Variants in LIMCH1 observed in about 807,000 individuals in gnomAD.
LIMCH1 encodes the protein LIM and calponin homology domains 1.
LIMCH1 carries 113 observed loss-of-function variants against 176.5 expected under a neutral mutation model. That is an observed-to-expected ratio of 0.64 (90% CI 0.55 to 0.75). The LOEUF is 0.75. LIMCH1 is among the 30% of genes least tolerant of loss of function. The probability of loss-of-function intolerance (pLI) is 0.00; values close to 1 mark genes in which losing one functional copy is unlikely to be tolerated. For missense variants in LIMCH1, 1,674 were observed against 1,814.9 expected (o/e 0.92, Z 1.41); for synonymous variants, 619 against 645.9 (o/e 0.96, Z 0.63).
chr4:41,631,835 CCT>C (rs1381125006), intron 10 of LIMCH1, among the ~76,000 whole-genome samples: 1 of 152,162 alleles, frequency 6.6e-6, no homozygotes, highest in African/African-American at 2.4e-5. Flanking sequence ...TTATGTATAA[CCT>C]CTCTCTTTCC....
Position 41,430,421 on chromosome 4 carries a change from G to A in LIMCH1, c.97-64115G>A, listed in dbSNP as rs1402841738. ...TGGGACTACAGGCACGTGCCACTACGCCCGGCTAATTTTCGTATTTTTAGT... is the reference window on the plus strand; with the variant it reads ...TGGGACTACAGGCACGTGCCACTACACCCGGCTAATTTTCGTATTTTTAGT... On this transcript the variant is annotated intron_variant, in intron 1 of 26. Transcript: ENST00000313860. Among the ~76,000 whole-genome samples, 11 of 152,118 alleles carry A rather than the reference G, an allele frequency of 7.2e-5. No individual in the cohort carries two copies. The East Asian group carries it at 9.7e-4, about 13-fold the overall frequency.
intron 2 of LIMCH1, among the ~76,000 whole-genome samples, chr4:41,603,121 T>A (rs747082663): frequency 4.6e-5 from 7 of 152,206 alleles, no homozygotes; most frequent in Non-Finnish European, 1.0e-4. Context: ...TATATGATAG[T>A]CTTACACTCC....
upstream of LIMCH1, among the ~76,000 whole-genome samples, chr4:41,537,539 G>T (rs2078087089): frequency 6.6e-6 from 1 of 152,166 alleles, no homozygotes. Flanking sequence ...CAGGCACAAA[G>T]ATTGAATGCC....
chr4:41,613,393 C>T (rs963240936), intron 4 of LIMCH1, 73 bp from the exon 5 acceptor site: 1 of 1,302,976 alleles, frequency 7.7e-7, no homozygotes, highest in Non-Finnish European at 1.1e-6. Flanking sequence ...TTTTGGAGAC[C>T]ACTGGAGACC....
intron 5 of LIMCH1, among the ~76,000 whole-genome samples, chr4:41,618,164 A>G (rs1159638022): frequency 1.3e-5 from 2 of 152,194 alleles, no homozygotes; most frequent in African/African-American, 4.8e-5. Flanking sequence ...ATTTGTTACC[A>G]CCATAGTTGA....
chr4:41,633,915 G>A (rs1175626863), intron 13 of LIMCH1, 107 bp downstream of exon 13: 1 of 1,246,696 alleles, frequency 8.0e-7, no homozygotes, highest in Non-Finnish European at 1.1e-6. Context: ...GCTGTTGCTA[G>A]CAGAAACAGA....
intron 1 of LIMCH1, among the ~76,000 whole-genome samples, chr4:41,428,688 G>A (rs1354875790): frequency 6.6e-6 from 1 of 152,220 alleles, no homozygotes; most frequent in African/African-American, 2.4e-5. Context: ...GAAATGCACA[G>A]ACTGGTTTCC....
intron 1 of LIMCH1, among the ~76,000 whole-genome samples, chr4:41,558,705 A>G (rs532101548): frequency 2.0e-5 from 3 of 152,270 alleles, no homozygotes; most frequent in African/African-American, 4.8e-5. Context: ...TATTGTATTT[A>G]TGAAAGATGC....
chr4:41,524,925 A>G (rs2076474157), intron 3 of LIMCH1, among the ~76,000 whole-genome samples: 1 of 152,226 alleles, frequency 6.6e-6, no homozygotes, highest in African/African-American at 2.4e-5. Flanking sequence ...GGGTTGAAAT[A>G]CCACAATTGT....
chr4:41,549,131 C>G (rs774715712), intron 1 of LIMCH1, among the ~76,000 whole-genome samples: 1 of 152,172 alleles, frequency 6.6e-6, no homozygotes, highest in East Asian at 1.9e-4. Flanking sequence ...CTCCAGCAAC[C>G]ATCCTGCCTT....
At chr4:41,433,068 A>G (rs2061739967) in intron 1 of LIMCH1, among the ~76,000 whole-genome samples, 1 of 152,250 alleles carries the variant, frequency 6.6e-6, no homozygotes, top group Non-Finnish European at 1.5e-5. Flanking sequence ...GACTTTGCAT[A>G]TCACATTCTC....
intron 1 of LIMCH1, among the ~76,000 whole-genome samples, chr4:41,367,534 TG>T (rs901722728): frequency 3.3e-5 from 5 of 151,970 alleles, no homozygotes; most frequent in African/African-American, 1.2e-4. Context: ...GGAATACACC[TG>T]CACTTGCTTT....
intron 1 of LIMCH1, among the ~76,000 whole-genome samples, chr4:41,457,648 T>C (rs1370617043): frequency 6.6e-6 from 1 of 152,172 alleles, no homozygotes; most frequent in Non-Finnish European, 1.5e-5. Flanking sequence ...GTAGGCAGTG[T>C]GCAGTTTGGC....
chr4:41,688,740 C>T (rs1267592276), intron 29 of LIMCH1: 1 of 152,336 alleles, frequency 6.6e-6, no homozygotes. Flanking sequence ...GGTATCCTCT[C>T]ACCTGGTTTT....
intron 18 of LIMCH1, among the ~76,000 whole-genome samples, chr4:41,653,675 G>A (rs2094378597): frequency 6.6e-6 from 1 of 152,234 alleles, no homozygotes; most frequent in Non-Finnish European, 1.5e-5. Flanking sequence ...GGAATGGAGG[G>A]AGAACAACAG....
At chr4:41,363,282 TG>T (rs945429218) in intron 1 of LIMCH1, among the ~76,000 whole-genome samples, 1 of 151,662 alleles carries the variant, frequency 6.6e-6, no homozygotes, top group South Asian at 2.1e-4. Flanking sequence ...AATCCCCGGG[TG>T]GGGGGGCGGA....
chr4:41,489,921 C>T (rs1014462267), intron 1 of LIMCH1, among the ~76,000 whole-genome samples: 6 of 152,006 alleles, frequency 3.9e-5, no homozygotes, highest in African/African-American at 1.5e-4. Flanking sequence ...TTGTATATGT[C>T]ATATATATTA....
chr4:41,536,504 C>T (rs2077966741), upstream of LIMCH1, among the ~76,000 whole-genome samples: 1 of 152,094 alleles, frequency 6.6e-6, no homozygotes, highest in African/African-American at 2.4e-5. Context: ...TAAAATTTAA[C>T]TATATTCAGT....
intron 1 of LIMCH1, among the ~76,000 whole-genome samples, chr4:41,439,660 T>C (rs768399500): frequency 6.6e-6 from 1 of 151,954 alleles, no homozygotes; most frequent in Non-Finnish European, 1.5e-5. Flanking sequence ...ATCCCAGCAC[T>C]TTGGGAGGCT....
Sources: gnomAD v4.1 joint callset for allele counts (sites outside exome capture counted in the v4.1 genomes callset) on GRCh38, gnomAD v4.1.1 for gene constraint, MANE v1.5 for transcripts, NCBI Gene and HGNC (gene_info 2026-07-23, HGNC 2026-07-21) for gene names.